The following BUB1B variants were observed in gnomAD, a reference collection of about 807,000 sequenced individuals.
BUB1B encodes BUB1 mitotic checkpoint serine/threonine kinase B.
In BUB1B, 86 loss-of-function variants were observed where a neutral mutation model predicts 137.7. The ratio of observed to expected loss-of-function variants is 0.62; its 90% CI spans 0.52 to 0.75. BUB1B has a LOEUF of 0.75. BUB1B is among the 30% of genes least tolerant of loss of function. The probability of loss-of-function intolerance (pLI) is 0.00; values close to 1 mark genes in which losing one functional copy is unlikely to be tolerated. For missense variants in BUB1B, 1,130 were observed against 1,236.9 expected, an observed-to-expected ratio of 0.91 and a Z score of 1.30; for synonymous variants, 420 against 417.9, an observed-to-expected ratio of 1.00 and a Z score of -0.06.
At chr15:40,173,946 T>C in intron 4 of BUB1B, 1 of 436,438 alleles carries the variant, frequency 2.3e-6, no homozygotes, top group South Asian at 1.7e-5. Flanking sequence ...GAAAAAATTG[T>C]TTCTGGAAAA....
chr15:40,171,470 C>T (rs1269626996), intron 4 of BUB1B, among the ~76,000 whole-genome samples: 5 of 152,038 alleles, frequency 3.3e-5, no homozygotes, highest in African/African-American at 4.8e-5. Flanking sequence ...TCGCTTGAGC[C>T]CGGGACGTCC....
intron 20 of BUB1B, among the ~76,000 whole-genome samples, chr15:40,215,786 A>G (rs1014075375): frequency 5.3e-5 from 8 of 151,938 alleles, no homozygotes; most frequent in African/African-American, 1.9e-4. Context: ...AACAACAACA[A>G]AAGCCAGAAA....
intron 2 of BUB1B, among the ~76,000 whole-genome samples, chr15:40,167,315 T>C (rs2037111356): frequency 6.6e-6 from 1 of 151,154 alleles, no homozygotes; most frequent in African/African-American, 2.4e-5. Flanking sequence ...TACTCTCTTA[T>C]GTTTTCTTTT....
rs1430923077 is a variant in BUB1B at position 40,176,626 on chromosome 15, G to A, written c.534G>A (p.Gly178=). 5 of 1,614,078 alleles carry A rather than the reference G, an allele frequency of 3.1e-6. No individual in the cohort carries two copies. The South Asian group carries it at 5.5e-5, about 18-fold the overall frequency. The change falls in exon 5 of 23, where the codon GGG becomes GGA. Residue 178 remains glycine (G), a synonymous_variant. Transcript: ENST00000287598. ...FRKADAIFQE[G]IQQKAEPLER... is the part of the protein sequence containing the mutation. ...AAGCAGATGCGATATTTCAGGAAGG[G>A]ATTCAACAGAAGGCTGAACCACTAG... is the stretch of plus-strand genomic sequence containing the variant.
chr15:40,215,492 G>A (rs1265719530), intron 20 of BUB1B, among the ~76,000 whole-genome samples: 3 of 151,806 alleles, frequency 2.0e-5, no homozygotes, highest in Non-Finnish European at 4.4e-5. Context: ...GCCAGAGGCC[G>A]GGCGCAGTAG....
In BUB1B at chr15:40,199,628, C is replaced by T; in HGVS notation, c.1302C>T (p.Thr434=). The change falls in exon 10 of 23, where the codon ACC becomes ACT. Residue 434 remains threonine (T), a synonymous_variant. Transcript: ENST00000287598. ...TACTGTTTCTAGCCGAGCTATTGACCAGTGCAGAGAAGAGAGCAGAAATGC... is the reference window on the plus strand; with the variant it reads ...TACTGTTTCTAGCCGAGCTATTGACTAGTGCAGAGAAGAGAGCAGAAATGC... ...LKEQREAELL[T]SAEKRAEMQK... 3.1e-6 allele frequency: 5 copies of T among 1,613,792 alleles called. No homozygotes were observed. Among genetic ancestry groups the T allele is most frequent in the Non-Finnish European group, 4.2e-6 (5 of 1,179,802 alleles).
chr15:40,218,381 A>G, intron 21 of BUB1B, 75 bp from the exon 22 acceptor site: 1 of 1,099,240 alleles, frequency 9.1e-7, no homozygotes, highest in Non-Finnish European at 1.4e-6. Flanking sequence ...AATACCTTTC[A>G]ACTTCCTACC....
At chr15:40,180,221 G>T (rs2037269168) in intron 5 of BUB1B, among the ~76,000 whole-genome samples, 1 of 147,252 alleles carries the variant, frequency 6.8e-6, no homozygotes, top group African/African-American at 2.5e-5. Context: ...ATTTTTACTG[G>T]ATATAGAATT....
intron 9 of BUB1B, among the ~76,000 whole-genome samples, chr15:40,197,541 A>G (rs1161100601): frequency 1.3e-5 from 2 of 152,162 alleles, no homozygotes; most frequent in East Asian, 3.9e-4. Context: ...TAGGATCTGT[A>G]AGGAGAAAGT....
intron 14 of BUB1B, among the ~76,000 whole-genome samples, chr15:40,203,033 G>A (rs1381402508): frequency 5.3e-5 from 8 of 152,190 alleles, no homozygotes; most frequent in Admixed American, 1.3e-4. Context: ...GTTACCATAT[G>A]ATCCTGCAGA....
chr15:40,202,636 C>T lies in BUB1B; in HGVS notation c.1676C>T (p.Ala559Val). ...PRVLAQRRPL[A>V]VLKTSESITS... ...GTTTTAGCTCAACGAAGACCCCTTG[C>T]AGTTCTCAAAACCTCAGAAAGCATC... The change falls in exon 14 of 23, where the codon GCA becomes GTA. Residue 559 changes from alanine to valine, a missense_variant. By Grantham distance (64) the Ala-to-Val change is moderately conservative. Coordinates refer to ENST00000287598, the MANE Select transcript of BUB1B (RefSeq NM_001211.6). The T allele has an allele frequency of 2.5e-6, 4 of 1,614,118 alleles. No homozygotes were observed. Among genetic ancestry groups the T allele is most frequent in the South Asian group, 1.1e-5 (1 of 91,088 alleles).
intron 12 of BUB1B, among the ~76,000 whole-genome samples, chr15:40,202,125 G>T (rs1233852926): frequency 6.6e-6 from 1 of 152,104 alleles, no homozygotes; most frequent in Non-Finnish European, 1.5e-5. Flanking sequence ...AATATTTGCA[G>T]ATAAAATGAC....
chr15:40,185,714 A>G, intron 8 of BUB1B, 72 bp downstream of exon 8: 1 of 1,407,542 alleles, frequency 7.1e-7, no homozygotes, highest in Non-Finnish European at 1.0e-6. Context: ...TCTACTTCCC[A>G]AAGGCAGTTT....
rs887672108 is a variant in BUB1B at position 40,193,567 on chromosome 15, T to C, written c.1059-2978T>C. ...CCTCCTGCCTTATCCATCCTGGTAGTTGGGACTATAGGTGCATGACACCAT... is the reference window on the plus strand; with the variant it reads ...CCTCCTGCCTTATCCATCCTGGTAGCTGGGACTATAGGTGCATGACACCAT... On this transcript the variant is annotated intron_variant, in intron 8 of 22. Transcript: ENST00000287598. 8.0e-5 allele frequency among the ~76,000 whole-genome samples: 12 copies of C among 150,226 alleles called. No individual in the cohort carries two copies. The East Asian group carries it at 2.0e-3, about 25-fold the overall frequency.
At chr15:40,165,241 ATGT>A in intron 2 of BUB1B, 45 bp downstream of exon 2, 5 of 1,613,062 alleles carry the variant, frequency 3.1e-6, no homozygotes, top group Non-Finnish European at 4.2e-6. Flanking sequence ...TTCATCCTAA[ATGT>A]TGTAGATAAC....
At position 40,218,583 on chromosome 15, in the gene BUB1B, G is replaced by A. The variant is rs760709839; in HGVS notation, c.2957+21G>A. On this transcript the variant is annotated intron_variant, in intron 22 of 22. Coordinates refer to ENST00000287598, the MANE Select transcript of BUB1B (RefSeq NM_001211.6). ...TCTGAGTAAGTATTGATGAATGTCA[G>A]GGTCTCTGCCTGTCCCAATAATTTT... 3.9e-6 allele frequency: 6 copies of A among 1,540,638 alleles called. No homozygotes were observed. The African/African-American group carries it at 8.2e-5, about 21-fold the overall frequency.
chr15:40,191,297 A>T (rs2037434146), intron 8 of BUB1B, among the ~76,000 whole-genome samples: 1 of 152,190 alleles, frequency 6.6e-6, no homozygotes, highest in Non-Finnish European at 1.5e-5. Context: ...TGAAACCATG[A>T]GTAAGGGGAA....
At position 40,165,195 on chromosome 15, in the gene BUB1B, C is replaced by T. The variant is rs748915007; in HGVS notation, c.178C>T (p.Arg60Trp). Residue 60 changes from arginine to tryptophan, a missense_variant and splice_region_variant, in exon 2 of 23, where the codon CGG becomes TGG. By Grantham distance (101) the Arg-to-Trp change is moderately radical (BLOSUM62 -3). Transcript: ENST00000287598. ...TAACAATACTCTTCAGCAGCAGAAA[C>T]GGTGTGTAGAATGGCTGAGTCTCAA... ...ACNNTLQQQK[R>W]AFEYEIRFYT... 21 of 1,614,028 alleles carry T rather than the reference C, an allele frequency of 1.3e-5. No homozygotes were observed. Among genetic ancestry groups the T allele is most frequent in the East Asian group, 8.9e-5 (4 of 44,890 alleles).
intron 9 of BUB1B, among the ~76,000 whole-genome samples, chr15:40,199,271 T>TTG (rs1334095559): frequency 1.3e-5 from 2 of 152,220 alleles, no homozygotes; most frequent in Non-Finnish European, 1.5e-5. Context: ...ACTGATTTTC[T>TTG]TGTGTGTGTG....
Sources: allele counts gnomAD v4.1 joint callset (sites outside exome capture counted in the v4.1 genomes callset), GRCh38; gene constraint gnomAD v4.1.1; transcripts MANE v1.5; gene names NCBI Gene and HGNC (gene_info 2026-07-23, HGNC 2026-07-21).